Variants in TCF20 observed in about 807,000 individuals in gnomAD.
The protein encoded by TCF20 is SPRE-binding protein.
In TCF20, 3 loss-of-function variants were observed where a neutral mutation model predicts 148.6. The observed-to-expected ratio is 0.02, with a 90% CI of 0.01 to 0.05. The LOEUF (loss-of-function observed/expected upper bound fraction) is 0.05. Ranked by LOEUF, TCF20 falls within the 10% of genes least tolerant of loss-of-function variation. The pLI is 1.00. For synonymous variants in TCF20, 1,049 were observed against 909.5 expected, an observed-to-expected ratio of 1.15 and a Z score of -2.76; for missense variants, 2,350 against 2,429.3, an observed-to-expected ratio of 0.97 and a Z score of 0.69.
upstream of TCF20, among the ~76,000 whole-genome samples, chr22:42,271,501 A>G (rs554810612): frequency 6.6e-6 from 1 of 152,366 alleles, no homozygotes; most frequent in South Asian, 2.1e-4. Context: ...TTATAAAGAA[A>G]ATCGCAATTG....
intron 5 of TCF20, among the ~76,000 whole-genome samples, chr22:42,167,218 C>T (rs1935840135): frequency 6.6e-6 from 1 of 152,208 alleles, no homozygotes; most frequent in South Asian, 2.1e-4. Flanking sequence ...AAGAGAAAGG[C>T]ACCACACTCA....
At chr22:42,252,598 G>T (rs1019583668) in intron 1 of TCF20, among the ~76,000 whole-genome samples, 1 of 151,932 alleles carries the variant, frequency 6.6e-6, no homozygotes, top group African/African-American at 2.4e-5. Context: ...TTACAGGCAC[G>T]CACCACCATG....
chr22:42,176,330 T>C (rs998133152), intron 3 of TCF20, among the ~76,000 whole-genome samples: 2 of 151,968 alleles, frequency 1.3e-5, no homozygotes, highest in African/African-American at 2.4e-5. Context: ...TGGAGACATA[T>C]GCTTAAACAA....
chr22:42,257,068 G>GA (rs1925784545), intron 1 of TCF20, among the ~76,000 whole-genome samples: 1 of 152,200 alleles, frequency 6.6e-6, no homozygotes, highest in South Asian at 2.1e-4. Flanking sequence ...GCCGAGGAAG[G>GA]AAGATCATTT....
At chr22:42,237,456 C>T (rs1601640020) in intron 1 of TCF20, among the ~76,000 whole-genome samples, 1 of 152,178 alleles carries the variant, frequency 6.6e-6, no homozygotes, top group South Asian at 2.1e-4. Flanking sequence ...AGTCCTGAAC[C>T]CCTCAAAGTC....
chr22:42,227,092 G>A (rs1922978536), intron 1 of TCF20, among the ~76,000 whole-genome samples: 1 of 152,128 alleles, frequency 6.6e-6, no homozygotes, highest in Non-Finnish European at 1.5e-5. Context: ...AGACCAGCCT[G>A]GCCATTACAG....
At chr22:42,300,692 G>A (rs990233290) in intron 1 of TCF20, among the ~76,000 whole-genome samples, 1 of 152,100 alleles carries the variant, frequency 6.6e-6, no homozygotes, top group South Asian at 2.1e-4. Flanking sequence ...TGGCAGGGGA[G>A]GGTCTCAGAA....
intron 1 of TCF20, among the ~76,000 whole-genome samples, chr22:42,329,193 A>G (rs1454628840): frequency 1.3e-5 from 2 of 152,222 alleles, no homozygotes; most frequent in African/African-American, 4.8e-5. Flanking sequence ...AGTCACACCA[A>G]GAAGTGATAA....
Position 42,212,644 on chromosome 22 carries a change from T to G in TCF20, c.2662A>C (p.Met888Leu), listed in dbSNP as rs1468120677. ...CTCCCAATTCTGGTGTCGGCACTCA[T>G]GTGTCCCAGTGAGTGAGCCCCTGGG... ...RDPGAHSLGH[M>L]SADTRIGRND... The change falls in exon 2 of 6, where the codon ATG becomes CTG. Residue 888 changes from methionine (M) to leucine (L), a missense_variant. Transcript: ENST00000677622. 6.2e-7 allele frequency: 1 copy of G among 1,614,076 alleles called. No homozygotes were observed. Among genetic ancestry groups the G allele is most frequent in the East Asian group, 2.2e-5 (1 of 44,898 alleles).
At chr22:42,261,240 G>A (rs1403576793) in intron 1 of TCF20, among the ~76,000 whole-genome samples, 2 of 151,568 alleles carry the variant, frequency 1.3e-5, no homozygotes, top group Non-Finnish European at 2.9e-5. Context: ...CTACTGTCTC[G>A]CTGATGGACA....
At chr22:42,243,310 A>AAAAAAAAACAAAAAAAAAAAC (rs1924618260) in intron 1 of TCF20, among the ~76,000 whole-genome samples, 1 of 140,864 alleles carries the variant, frequency 7.1e-6, no homozygotes, top group African/African-American at 3.0e-5. Flanking sequence ...AAAAAAAAAA[A>AAAAAAAAACAAAAAAAAAAAC]AAAAAAAAAA....
chr22:42,165,783 C>T (rs896069998), intron 5 of TCF20, among the ~76,000 whole-genome samples: 1 of 152,218 alleles, frequency 6.6e-6, no homozygotes, highest in Admixed American at 6.5e-5. Flanking sequence ...AGAGACATTT[C>T]CCAATGGAAT....
At chr22:42,339,907 AAG>A (rs1928134417) in intron 1 of TCF20, among the ~76,000 whole-genome samples, 1 of 152,262 alleles carries the variant, frequency 6.6e-6, no homozygotes, top group African/African-American at 2.4e-5. Flanking sequence ...GGATGCACGA[AAG>A]AGTTTTAGGG....
chr22:42,214,701 G>A lies in TCF20; in HGVS notation c.605C>T (p.Ala202Val), dbSNP rs1386796754. The stretch of plus-strand genomic sequence containing the variant: ...TGGCTGTAGATGGGATGAGCTGGAT[G>A]CTGGTTGGCCAGTGGCCTGTGGCAG... ...QPLPQATGQP[A>V]SSSSHLQPMQ... Residue 202 changes from alanine to valine, a missense_variant, in exon 2 of 6, where the codon GCA (alanine) becomes GTA (valine). By Grantham distance (64) the Ala-to-Val change is moderately conservative. This residue lies in a region of TCF20 where 1,641 missense variants were observed against 1,662.6 expected (regional missense o/e 0.99). Coordinates refer to ENST00000677622, the MANE Select transcript of TCF20 (RefSeq NM_001378418.1). The A allele has an allele frequency of 6.2e-7, 1 of 1,614,066 alleles. No homozygotes were observed. Among genetic ancestry groups the A allele is most frequent in the East Asian group, 2.2e-5 (1 of 44,892 alleles).
chr22:42,257,703 G>C (rs1435225643), intron 1 of TCF20, among the ~76,000 whole-genome samples: 1 of 152,188 alleles, frequency 6.6e-6, no homozygotes, highest in Non-Finnish European at 1.5e-5. Flanking sequence ...AAAATCTTAT[G>C]TTGATATACC....
intron 1 of TCF20, among the ~76,000 whole-genome samples, chr22:42,229,715 C>G (rs1923228490): frequency 6.6e-6 from 1 of 152,222 alleles, no homozygotes; most frequent in Non-Finnish European, 1.5e-5. Context: ...CCCCAAAACA[C>G]TTTCCAAATC....
Position 42,297,354 on chromosome 22 carries a change from T to C in TCF20, c.-37+46125A>G, listed in dbSNP as rs559999689. On this transcript the variant is annotated intron_variant, in intron 1 of 1. Coordinates refer to the TCF20 transcript ENST00000515426. The surrounding 1 kb of genome is among the most constrained non-coding windows in gnomAD (Gnocchi z 4.3). ...CTGGCTTAAGGGTTGGTCATATTCA[T>C]GGAGCGGCAAGAATGAGGAGTGGGT... Among the ~76,000 whole-genome samples, 13 of 152,342 alleles carry C rather than the reference T, an allele frequency of 8.5e-5. No individual in the cohort carries two copies. The highest frequency in any genetic ancestry group is 3.3e-4 in the Admixed American group (5 of 15,308).
intron 1 of TCF20, among the ~76,000 whole-genome samples, chr22:42,234,520 G>A (rs926582389): frequency 1.3e-5 from 2 of 152,100 alleles, no homozygotes; most frequent in Non-Finnish European, 2.9e-5. Flanking sequence ...GCGGAGGTGA[G>A]TCAACACACT....
intron 1 of TCF20, among the ~76,000 whole-genome samples, chr22:42,340,327 G>C (rs1256879658): frequency 6.6e-6 from 1 of 152,152 alleles, no homozygotes; most frequent in Non-Finnish European, 1.5e-5. Flanking sequence ...ATGAATGAAT[G>C]AGTGAGTGAA....
Sources: gnomAD v4.1 joint callset for allele counts (sites outside exome capture counted in the v4.1 genomes callset) on GRCh38, gnomAD v4.1.1 for gene constraint, gnomAD v4.1.1 regional missense constraint, Gnocchi (gnomAD v3.1) non-coding constraint, MANE v1.5 for transcripts, NCBI Gene and HGNC (gene_info 2026-07-23, HGNC 2026-07-21) for gene names.